XPR1: variants seen among roughly 807,000 people sequenced by gnomAD.
XPR1 encodes the protein solute carrier family 53 member 1.
XPR1 carries 28 observed loss-of-function variants against 87.5 expected under a neutral mutation model. The observed-to-expected ratio is 0.32, with a 90% CI of 0.24 to 0.44. The LOEUF (loss-of-function observed/expected upper bound fraction) is 0.44. Ranked by LOEUF, XPR1 falls within the 20% of genes least tolerant of loss-of-function variation. XPR1 has a pLI of 1.00. For synonymous variants in XPR1, 300 were observed against 306.1 expected, an observed-to-expected ratio of 0.98 and a Z score of 0.21; for missense variants, 559 against 862.3, an observed-to-expected ratio of 0.65 and a Z score of 4.41.
chr1:180,711,345 A>C (rs1657783086), intron 2 of XPR1, among the ~76,000 whole-genome samples: 1 of 152,076 alleles, frequency 6.6e-6, no homozygotes, highest in Admixed American at 6.5e-5. Flanking sequence ...AGTGAACGAG[A>C]CTCCATCTGC....
At chr1:180,670,960 A>G (rs1656150043) in intron 1 of XPR1, among the ~76,000 whole-genome samples, 1 of 152,172 alleles carries the variant, frequency 6.6e-6, no homozygotes, top group Non-Finnish European at 1.5e-5. Context: ...AAGATTTACA[A>G]GATGGATTAA....
At chr1:180,782,019 T>C (rs771989705) in intron 2 of XPR1, among the ~76,000 whole-genome samples, 1 of 151,812 alleles carries the variant, frequency 6.6e-6, no homozygotes, top group East Asian at 1.9e-4. Context: ...CAGTCTCTCT[T>C]TCTCTCTCTC....
intron 1 of XPR1, among the ~76,000 whole-genome samples, chr1:180,635,858 T>A (rs1011841783): frequency 6.6e-6 from 1 of 152,252 alleles, no homozygotes; most frequent in Non-Finnish European, 1.5e-5. Context: ...ATTTAAGGAC[T>A]CATCCAGCTC....
intron 2 of XPR1, among the ~76,000 whole-genome samples, chr1:180,716,137 T>G (rs1380683509): frequency 1.3e-5 from 2 of 150,734 alleles, no homozygotes; most frequent in Non-Finnish European, 3.0e-5. Context: ...TTTTGGGGGG[T>G]TTTTTGTTTG....
intron 4 of XPR1, among the ~76,000 whole-genome samples, chr1:180,805,016 T>C (rs1409221028): frequency 6.6e-6 from 1 of 152,190 alleles, no homozygotes; most frequent in Non-Finnish European, 1.5e-5. Flanking sequence ...AAAATGCTCC[T>C]TGGGAAAACA....
At chr1:180,800,107 T>C (rs776964826) in intron 3 of XPR1, among the ~76,000 whole-genome samples, 7 of 152,208 alleles carry the variant, frequency 4.6e-5, no homozygotes, top group Non-Finnish European at 1.0e-4. Context: ...TCAGAATCAC[T>C]AGAGAGTCTA....
chr1:180,799,985 G>A (rs1649722110), intron 3 of XPR1, among the ~76,000 whole-genome samples: 1 of 152,188 alleles, frequency 6.6e-6, no homozygotes, highest in South Asian at 2.1e-4. Context: ...TTTAAAGTCT[G>A]TGATTGTTGT....
At chr1:180,816,264 G>A (rs996635571) in intron 7 of XPR1, among the ~76,000 whole-genome samples, 2 of 152,190 alleles carry the variant, frequency 1.3e-5, no homozygotes, top group South Asian at 2.1e-4. Flanking sequence ...TAAGGAGCGC[G>A]CAACCTAGAG....
chr1:180,876,703 A>G (rs532509163), intron 13 of XPR1, among the ~76,000 whole-genome samples: 1 of 152,278 alleles, frequency 6.6e-6, no homozygotes, highest in Admixed American at 6.5e-5. Flanking sequence ...AAGAACCTCT[A>G]TATTTGTAGA....
chr1:180,772,738 G>GT (rs1163169725), intron 2 of XPR1, among the ~76,000 whole-genome samples: 1 of 152,170 alleles, frequency 6.6e-6, no homozygotes, highest in Non-Finnish European at 1.5e-5. Flanking sequence ...TGGCATCCGC[G>GT]TAAGATGTGA....
intron 12 of XPR1, among the ~76,000 whole-genome samples, chr1:180,866,467 CTT>C (rs1445031086): frequency 6.6e-6 from 1 of 152,208 alleles, no homozygotes; most frequent in Non-Finnish European, 1.5e-5. Flanking sequence ...TTCTGTGTCT[CTT>C]GACCTCAAAG....
intron 1 of XPR1, among the ~76,000 whole-genome samples, chr1:180,634,862 A>G (rs553561368): frequency 1.3e-5 from 2 of 151,958 alleles, no homozygotes; most frequent in South Asian, 4.1e-4. Flanking sequence ...TATATATTGT[A>G]GCACAGTAAA....
intron 1 of XPR1, among the ~76,000 whole-genome samples, chr1:180,678,792 T>C (rs1222903847): frequency 6.6e-6 from 1 of 152,250 alleles, no homozygotes; most frequent in Non-Finnish European, 1.5e-5. Flanking sequence ...GTAAATTCAC[T>C]TGGGAAGAAT....
At chr1:180,669,285 A>G (rs1359145404) in intron 1 of XPR1, among the ~76,000 whole-genome samples, 4 of 152,114 alleles carry the variant, frequency 2.6e-5, no homozygotes, top group Admixed American at 1.3e-4. Flanking sequence ...CTATTATTGT[A>G]TAAGTATGTA....
At chr1:180,765,730 A>C (rs1057450244) in intron 2 of XPR1, among the ~76,000 whole-genome samples, 4 of 152,036 alleles carry the variant, frequency 2.6e-5, no homozygotes, top group East Asian at 1.9e-4. Context: ...ATTATTTTTT[A>C]TTTTCTTTTT....
At chr1:180,658,225 A>G (rs1655606429) in intron 1 of XPR1, among the ~76,000 whole-genome samples, 1 of 152,226 alleles carries the variant, frequency 6.6e-6, no homozygotes, top group African/African-American at 2.4e-5. Context: ...AGATCATATC[A>G]TCTGCAAACA....
chr1:180,646,811 C>A (rs574357029), intron 1 of XPR1, among the ~76,000 whole-genome samples: 1 of 152,116 alleles, frequency 6.6e-6, no homozygotes, highest in Admixed American at 6.6e-5. Flanking sequence ...CATGCATGGA[C>A]TGAAATAAGT....
chr1:180,702,522 A>G (rs952179487), intron 2 of XPR1, among the ~76,000 whole-genome samples: 3 of 152,030 alleles, frequency 2.0e-5, no homozygotes, highest in African/African-American at 7.2e-5. Flanking sequence ...GGTTATTTAA[A>G]AAGACTTGTC....
At chr1:180,670,857 G>A (rs776699967) in intron 1 of XPR1, among the ~76,000 whole-genome samples, 1 of 152,136 alleles carries the variant, frequency 6.6e-6, no homozygotes, top group Non-Finnish European at 1.5e-5. Context: ...TTTGAAGGAC[G>A]TTTTTGCTGA....
Sources: allele counts gnomAD v4.1 joint callset (sites outside exome capture counted in the v4.1 genomes callset), GRCh38; gene constraint gnomAD v4.1.1; transcripts MANE v1.5; gene names NCBI Gene and HGNC (gene_info 2026-07-23, HGNC 2026-07-21).